STK33: variants seen among roughly 807,000 people sequenced by gnomAD.
STK33 encodes the protein serine/threonine kinase 33.
In STK33, 52 loss-of-function variants were observed where a neutral mutation model predicts 58.0. That is an observed-to-expected ratio of 0.90 (90% confidence interval 0.72 to 1.13). The LOEUF (loss-of-function observed/expected upper bound fraction) is 1.13, where lower values mean the gene tolerates loss of function less well. Among genes scored for constraint, STK33 ranks in the 50% most tolerant of loss-of-function variants. The pLI, the probability that STK33 is intolerant of heterozygous loss-of-function variation, is 0.00. For synonymous variants in STK33, 215 were observed against 200.1 expected, an observed-to-expected ratio of 1.07 and a Z score of -0.63; for missense variants, 630 against 604.2, an observed-to-expected ratio of 1.04 and a Z score of -0.45.
chr11:8,359,428 G>C, the STK33 span, among the ~76,000 whole-genome samples: 2 of 152,240 alleles, frequency 1.3e-5, no homozygotes, highest in African/African-American at 2.4e-5. Flanking sequence ...CTGTAAAGTT[G>C]AGGTTATTTC....
chr11:8,580,917 T>C (rs539239348), intron 1 of STK33: 2 of 152,118 alleles, frequency 1.3e-5, no homozygotes, highest in Non-Finnish European at 2.9e-5. Flanking sequence ...ATCTTCATGG[T>C]GGTATTGTCT....
Position 8,440,742 on chromosome 11 carries a change from T to C in STK33, c.883A>G (p.Ile295Val), listed in dbSNP as rs138385159. The change falls in exon 12 of 16, where the codon ATC (isoleucine) becomes GTC (valine). Residue 295 changes from isoleucine to valine, a missense_variant. Physicochemically the swap from Ile to Val is conservative, Grantham distance 29. Transcript: ENST00000687296. ...GTPIYMAPEV[I>V]SAHDYSQQCD... ...TGCTGGCTATAGTCGTGGGCACTGA[T>C]AACTTCAGGGGCTGCCAAACAAGCA... 218 of 1,567,096 alleles carry C rather than the reference T, an allele frequency of 1.4e-4. No individual in the cohort carries two copies. The highest frequency in any genetic ancestry group is 1.5e-4 in the Non-Finnish European group (176 of 1,153,928).
chr11:8,562,292 C>T (rs1372184924), intron 1 of STK33, among the ~76,000 whole-genome samples: 2 of 152,126 alleles, frequency 1.3e-5, no homozygotes, highest in Non-Finnish European at 2.9e-5. Context: ...CTCTCCACTT[C>T]ACTGCAGGTT....
chr11:8,568,551 T>C (rs556058549), intron 1 of STK33, among the ~76,000 whole-genome samples: 18 of 152,308 alleles, frequency 1.2e-4, no homozygotes, highest in Non-Finnish European at 2.2e-4. Context: ...TATTAAAGCA[T>C]GTATTTCAAG....
At chr11:8,553,193 TATATGGTG>T (rs1271832465) in intron 1 of STK33, among the ~76,000 whole-genome samples, 8 of 74,136 alleles carry the variant, frequency 1.1e-4, no homozygotes, top group African/African-American at 6.1e-4. Flanking sequence ...TATATATATA[TATATGGTG>T]TATATATATA....
chr11:8,338,076 G>T, the STK33 span, among the ~76,000 whole-genome samples: 1 of 152,218 alleles, frequency 6.6e-6, no homozygotes, highest in Admixed American at 6.5e-5. Context: ...ATGTCAGCAG[G>T]GGCTTCTGCC....
chr11:8,479,029 C>A (rs1949547889), intron 2 of STK33, among the ~76,000 whole-genome samples: 1 of 152,030 alleles, frequency 6.6e-6, no homozygotes, highest in Non-Finnish European at 1.5e-5. Flanking sequence ...ATTAACTTTT[C>A]CTTTCTATTT....
intron 10 of STK33, 26 bp from the exon 11 acceptor site, chr11:8,452,932 C>A (rs1274272064): frequency 6.3e-7 from 1 of 1,598,522 alleles, no homozygotes; most frequent in Non-Finnish European, 8.6e-7. Context: ...CAAGCACAGT[C>A]ACCTGTTTTC....
At chr11:8,398,207 G>C (rs1849718686) in intron 15 of STK33, among the ~76,000 whole-genome samples, 1 of 152,234 alleles carries the variant, frequency 6.6e-6, no homozygotes, top group Non-Finnish European at 1.5e-5. Context: ...AGGGCAGCCA[G>C]AGGGAAAGGT....
At chr11:8,509,958 T>C (rs1464951049) in intron 1 of STK33, among the ~76,000 whole-genome samples, 1 of 152,238 alleles carries the variant, frequency 6.6e-6, no homozygotes, top group Non-Finnish European at 1.5e-5. Context: ...ATTATGCTGC[T>C]ATAAACGTGT....
chr11:8,522,851 G>C (rs1953606245), intron 1 of STK33, among the ~76,000 whole-genome samples: 2 of 152,134 alleles, frequency 1.3e-5, no homozygotes, highest in Admixed American at 1.3e-4. Context: ...AGCCGAGGCT[G>C]GACTGTACTG....
At chr11:8,589,235 A>G (rs187823407) in intron 1 of STK33, among the ~76,000 whole-genome samples, 14 of 152,218 alleles carry the variant, frequency 9.2e-5, no homozygotes, top group Non-Finnish European at 1.6e-4. Context: ...AGCATTATTC[A>G]AAATACCAAA....
the STK33 span, among the ~76,000 whole-genome samples, chr11:8,364,016 G>T: frequency 6.6e-6 from 1 of 152,174 alleles, no homozygotes; most frequent in Non-Finnish European, 1.5e-5. Context: ...GTTTGGATCT[G>T]CTTCCAACAT....
chr11:8,467,943 CA>C lies in STK33; in HGVS notation c.340-3122del, dbSNP rs372742902. On this transcript the variant is annotated intron_variant, in intron 6 of 15. Transcript: ENST00000687296. ...CTGGTGACAAAGCAAGACTCCATCT[CA>C]AAAAAAAAAAAAGTCACTTCTACAT... is the stretch of plus-strand genomic sequence containing the variant. Among the ~76,000 whole-genome samples the C allele has an allele frequency of 4.6e-3, 642 of 140,338 alleles. 1 individual carries two copies. Among genetic ancestry groups the C allele is most frequent in the African/African-American group, 0.012 (467 of 38,518 alleles). The allele number at this position is 140,338 out of a possible 152,430, so 92.1% of individuals were successfully genotyped here.
At chr11:8,514,624 A>G (rs1291789643) in intron 1 of STK33, among the ~76,000 whole-genome samples, 1 of 152,160 alleles carries the variant, frequency 6.6e-6, no homozygotes, top group Non-Finnish European at 1.5e-5. Flanking sequence ...ACCTACAGCA[A>G]TAGGCATCAA....
At chr11:8,590,538 A>T (rs544800486) in intron 1 of STK33, among the ~76,000 whole-genome samples, 15 of 152,310 alleles carry the variant, frequency 9.8e-5, no homozygotes, top group Non-Finnish European at 2.1e-4. Context: ...CTGACAAGTC[A>T]ATGGTTAAGA....
chr11:8,374,977 G>C, the STK33 span, among the ~76,000 whole-genome samples: 1 of 152,170 alleles, frequency 6.6e-6, no homozygotes, highest in Non-Finnish European at 1.5e-5. Flanking sequence ...CCCTTCCTAT[G>C]AGGAATTTTA....
chr11:8,543,265 A>G lies in STK33; in HGVS notation c.-466+50818T>C, dbSNP rs541983145. On this transcript the variant is annotated intron_variant, in intron 1 of 15. Transcript: ENST00000687296. ...AAATCAGCAGGTGAAAACATTTCAAATGTCTTCAGTGATTAAGAGCTCAAA... is the reference window on the plus strand; with the variant it reads ...AAATCAGCAGGTGAAAACATTTCAAGTGTCTTCAGTGATTAAGAGCTCAAA... Among the ~76,000 whole-genome samples, 11 of 152,336 alleles carry G rather than the reference A, an allele frequency of 7.2e-5. No individual in the cohort carries two copies. In the South Asian group the frequency reaches 2.3e-3, roughly 32 times the overall value.
At chr11:8,418,317 C>T (rs939243750) in intron 14 of STK33, among the ~76,000 whole-genome samples, 4 of 151,966 alleles carry the variant, frequency 2.6e-5, no homozygotes, top group African/African-American at 9.7e-5. Context: ...ATTTAGCTCC[C>T]CTTCTAAGTG....
Sources: allele counts gnomAD v4.1 joint callset (sites outside exome capture counted in the v4.1 genomes callset), GRCh38; gene constraint gnomAD v4.1.1; transcripts MANE v1.5; gene names NCBI Gene and HGNC (gene_info 2026-07-23, HGNC 2026-07-21).